Variants in SNAI3 observed in about 807,000 individuals in gnomAD.
SNAI3 encodes zinc finger protein SNAI3.
Under a neutral mutation model 16.4 loss-of-function variants are expected in SNAI3, and 21 were observed. The observed-to-expected ratio is 1.28, with a 90% CI of 0.91 to 1.85. SNAI3 has a LOEUF of 1.85. Ranked by LOEUF, SNAI3 falls within the 40% of genes most tolerant of loss-of-function variation. The pLI is 0.00. For synonymous variants in SNAI3, 202 were observed against 166.6 expected (o/e 1.21, Z -1.64); for missense variants, 457 against 372.8 (o/e 1.23, Z -1.86).
In SNAI3 at chr16:88,681,491, G is replaced by A. The variant is rs531621935; in HGVS notation, c.300C>T (p.Ala100=). Residue 100 remains alanine (A), a synonymous_variant, in exon 2 of 3, where the codon GCC becomes GCT. Coordinates refer to ENST00000332281, the MANE Select transcript of SNAI3 (RefSeq NM_178310.4). This position sits in a 1 kb window ranked among gnomAD's most constrained non-coding sequence, Gnocchi z 5.4. The stretch of plus-strand genomic sequence containing the variant: ...GGCTGTCTTTGAGGGGTACAATGGC[G>A]GCCCGGCTGGCCCGAGGGTCGACCT... ...VSEVDPRASR[A]AIVPLKDSLN... 8.8e-5 allele frequency: 137 copies of A among 1,553,800 alleles called. No individual in the cohort carries two copies. The South Asian group carries it at 9.2e-4, about 10-fold the overall frequency.
rs187396568 is a variant in SNAI3, at chr16:88,679,636, T to C, written c.698-1007A>G. Reference sequence around the variant, plus strand: ...AATCAGCTGGGCGTGGTGGCAGGTGTCTGTAGTCCCGGCTACTCGGGAGGC... The same window carrying C: ...AATCAGCTGGGCGTGGTGGCAGGTGCCTGTAGTCCCGGCTACTCGGGAGGC... On this transcript the variant is annotated intron_variant, in intron 2 of 2. Coordinates refer to ENST00000332281, the MANE Select transcript of SNAI3 (RefSeq NM_178310.4). Among the ~76,000 whole-genome samples, 955 of 151,296 alleles carry C rather than the reference T, an allele frequency of 6.3e-3. 9 individuals carry two copies. Among genetic ancestry groups the C allele is most frequent in the African/African-American group, 0.022 (901 of 41,206 alleles).
intron 1 of SNAI3, chr16:88,685,396 C>G (rs1278594425): frequency 6.6e-6 from 1 of 152,244 alleles, no homozygotes; most frequent in Non-Finnish European, 1.5e-5. Context: ...GGGATAAAGG[C>G]CTCTTGGCGG....
At chr16:88,679,867 C>G (rs1453729470) in intron 2 of SNAI3, among the ~76,000 whole-genome samples, 1 of 151,534 alleles carries the variant, frequency 6.6e-6, no homozygotes, top group Non-Finnish European at 1.5e-5. Context: ...ATGGATTGAG[C>G]CCAGAAGTTC....
In SNAI3 at chr16:88,681,814, C is replaced by T. The variant is rs758432839; in HGVS notation, c.77-100G>A. 1.2e-4 allele frequency: 153 copies of T among 1,259,770 alleles called. No individual in the cohort carries two copies. Among genetic ancestry groups the T allele is most frequent in the Non-Finnish European group, 1.4e-4 (139 of 990,770 alleles). The allele number at this position is 1,259,770 out of a possible 1,614,324, so 78.0% of individuals were successfully genotyped here. A position where few individuals can be genotyped will look rare whatever the true frequency, so the allele number is the denominator to read the frequency against. On this transcript the variant is annotated intron_variant, in intron 1 of 2. Coordinates refer to ENST00000332281, the MANE Select transcript of SNAI3 (RefSeq NM_178310.4). This position sits in a 1 kb window ranked among gnomAD's most constrained non-coding sequence, Gnocchi z 5.4. ...CGTGGACCCAGTCACAGCCCATCAGCAGCCTGGCGTGGGAGGTGTAGCCGG... is the reference window on the plus strand; with the variant it reads ...CGTGGACCCAGTCACAGCCCATCAGTAGCCTGGCGTGGGAGGTGTAGCCGG...
At chr16:88,680,149 C>T (rs937610256) in intron 2 of SNAI3, among the ~76,000 whole-genome samples, 4 of 151,654 alleles carry the variant, frequency 2.6e-5, no homozygotes, top group Admixed American at 6.6e-5. Flanking sequence ...TTATTCCTGG[C>T]GCCCTTTCTT....
At position 88,681,532 on chromosome 16, in the gene SNAI3, C is replaced by T. The variant is rs776343443; in HGVS notation, c.259G>A (p.Ala87Thr). 3.3e-6 allele frequency: 5 copies of T among 1,524,550 alleles called. No homozygotes were observed. Among genetic ancestry groups the T allele is most frequent in the Admixed American group, 2.1e-5 (1 of 48,054 alleles). 94.4% of individuals were successfully genotyped at this position (1,524,550 alleles called of 1,614,324 possible). Reference sequence around the variant, plus strand: ...GGGTCGACCTCGCTGACTTCCAAGGCGTCCAGCCCAGAGGCCCCCAGAGCT... The same window carrying T: ...GGGTCGACCTCGCTGACTTCCAAGGTGTCCAGCCCAGAGGCCCCCAGAGCT... The part of the protein sequence containing the change: ...EEALGASGLD[A>T]LEVSEVDPRA... The change falls in exon 2 of 3, where the codon GCC becomes ACC. Residue 87 changes from alanine to threonine, a missense_variant. By Grantham distance (58) the Ala-to-Thr change is moderately conservative (BLOSUM62 0). Transcript: ENST00000332281. The surrounding 1 kb of genome is among the most constrained non-coding windows in gnomAD (Gnocchi z 5.4).
chr16:88,679,141 A>G, intron 2 of SNAI3: 1 of 976,320 alleles, frequency 1.0e-6, no homozygotes. Flanking sequence ...TAGAGTCCTG[A>G]GAGACCTCAG....
rs1287107653 is a variant in SNAI3, at chr16:88,678,345, G to T, written c.*103C>A. ...ATGTGGAGGACGCACCAAGTGTGAG[G>T]CCAGGCCCCGCCCTCCCAGACTCCT... On this transcript the variant is annotated 3_prime_UTR_variant, in exon 3 of 3. Coordinates refer to ENST00000332281, the MANE Select transcript of SNAI3 (RefSeq NM_178310.4). 1 of 611,688 alleles carries T rather than the reference G, an allele frequency of 1.6e-6. No individual in the cohort carries two copies. Among genetic ancestry groups the T allele is most frequent in the Non-Finnish European group, 2.9e-6 (1 of 340,898 alleles). The allele number at this position is 611,688 out of a possible 1,614,324, so 37.9% of individuals were successfully genotyped here. A position where few individuals can be genotyped will look rare whatever the true frequency, so the allele number is the denominator to read the frequency against.
chr16:88,683,419 C>T (rs1909249238), intron 1 of SNAI3, among the ~76,000 whole-genome samples: 1 of 151,626 alleles, frequency 6.6e-6, no homozygotes. Context: ...CCACGCCTGG[C>T]TTATTTTTGT....
At position 88,678,481 on chromosome 16, in the gene SNAI3, C is replaced by G. The variant is rs1261322451; in HGVS notation, c.846G>C (p.Arg282=). 6 of 778,080 alleles carry G rather than the reference C, an allele frequency of 7.7e-6. No individual in the cohort carries two copies. In the Middle Eastern group the frequency reaches 6.7e-4, roughly 87 times the overall value. 48.2% of individuals were successfully genotyped at this position (778,080 alleles called of 1,614,324 possible). ...CCGGGCAGCAGCCAGACTCCTCATG[C>G]CGCGCCAGGAGGGACATGCGGGAGA... ...KTFSRMSLLA[R]HEESGCCPGP The change falls in exon 3 of 3, where the codon CGG becomes CGC. Residue 282 remains arginine (R), a synonymous_variant. Coordinates refer to ENST00000332281, the MANE Select transcript of SNAI3 (RefSeq NM_178310.4).
At position 88,678,135 on chromosome 16, in the gene SNAI3, G is replaced by C. The variant is rs563088211; in HGVS notation, c.*313C>G. The C allele has an allele frequency of 3.9e-4, 119 of 305,364 alleles. No individual in the cohort carries two copies. The highest frequency in any genetic ancestry group is 2.6e-3 in the Middle Eastern group (3 of 1,136). The allele number at this position is 305,364 out of a possible 1,614,324, so 18.9% of individuals were successfully genotyped here. A position where few individuals can be genotyped will look rare whatever the true frequency, so the allele number is the denominator to read the frequency against. Reference sequence around the variant, plus strand: ...CTGGCGGCCACCTCCCCGAGGCTCTGACTCTTGGAAGGGTAGCCCCGGAGA... The same window carrying C: ...CTGGCGGCCACCTCCCCGAGGCTCTCACTCTTGGAAGGGTAGCCCCGGAGA... On this transcript the variant is annotated 3_prime_UTR_variant, in exon 3 of 3. Coordinates refer to ENST00000332281, the MANE Select transcript of SNAI3 (RefSeq NM_178310.4).
In SNAI3 at chr16:88,681,554, A is replaced by G. The variant is rs934285389; in HGVS notation, c.237T>C (p.Ala79=). ...AGGCGTCCAGCCCAGAGGCCCCCAG[A>G]GCTTCCTCGATCCGTGGCAGGAGGG... The part of the protein sequence containing the change: ...SLPLLPRIEE[A]LGASGLDALE... The change falls in exon 2 of 3, where the codon GCT becomes GCC. Residue 79 remains alanine (A), a synonymous_variant. Transcript: ENST00000332281. This position sits in a 1 kb window ranked among gnomAD's most constrained non-coding sequence, Gnocchi z 5.4. The G allele has an allele frequency of 1.3e-6, 2 of 1,512,322 alleles. No individual in the cohort carries two copies. The highest frequency in any genetic ancestry group is 1.8e-6 in the Non-Finnish European group (2 of 1,129,176). 93.7% of individuals were successfully genotyped at this position (1,512,322 alleles called of 1,614,324 possible). A position where few individuals can be genotyped will look rare whatever the true frequency, so the allele number is the denominator to read the frequency against.
chr16:88,683,080 C>CA (rs1909234027), intron 1 of SNAI3, among the ~76,000 whole-genome samples: 1 of 138,854 alleles, frequency 7.2e-6, no homozygotes, highest in Non-Finnish European at 1.5e-5. Context: ...CCTGGCCCCC[C>CA]ACCCTTTTTT....
intron 1 of SNAI3, chr16:88,685,112 G>A (rs1909312758): frequency 6.6e-6 from 1 of 152,406 alleles, no homozygotes; most frequent in South Asian, 2.1e-4. Context: ...TTTGAAACTT[G>A]CAACTATTAC....
rs1028338131 is a variant in SNAI3 at position 88,681,318 on chromosome 16, T to C, written c.473A>G (p.His158Arg). The C allele has an allele frequency of 2.5e-6, 4 of 1,613,066 alleles. No homozygotes were observed. The African/African-American group carries it at 5.3e-5, about 22-fold the overall frequency. Reference protein sequence around the residue: ...APGGFECFHCHKPYHTLAGLA... With the variant: ...APGGFECFHCRKPYHTLAGLA... ...CCCGGCCAGCGTGTGGTAGGGTTTGTGGCAGTGGAAGCACTCAAAGCCGCC... is the reference window on the plus strand; with the variant it reads ...CCCGGCCAGCGTGTGGTAGGGTTTGCGGCAGTGGAAGCACTCAAAGCCGCC... Residue 158 changes from histidine (H) to arginine (R), a missense_variant, in exon 2 of 3, where the codon CAC (histidine) becomes CGC (arginine). Transcript: ENST00000332281. The surrounding 1 kb of genome is among the most constrained non-coding windows in gnomAD (Gnocchi z 5.4).
At position 88,681,843 on chromosome 16, in the gene SNAI3, C is replaced by G; in HGVS notation, c.77-129G>C. On this transcript the variant is annotated intron_variant, in intron 1 of 2. Transcript: ENST00000332281. The surrounding 1 kb of genome is among the most constrained non-coding windows in gnomAD (Gnocchi z 5.4). ...CTGGCGTGGGAGGTGTAGCCGGGAA[C>G]CTGCATGCAGACCCAGCTTGCAAGG... The G allele has an allele frequency of 9.1e-7, 1 of 1,093,772 alleles. No individual in the cohort carries two copies. Among genetic ancestry groups the G allele is most frequent in the African/African-American group, 1.6e-5 (1 of 61,838 alleles). 67.8% of individuals were successfully genotyped at this position (1,093,772 alleles called of 1,614,324 possible).
rs770916118 is a variant in SNAI3, at chr16:88,678,182, C to T, written c.*266G>A. ...GAGACCTGGCCGTGTCGAAATGGAA[C>T]CATGGCTCTTGTTCTGATGAAAGCC... On this transcript the variant is annotated 3_prime_UTR_variant, in exon 3 of 3. Coordinates refer to ENST00000332281, the MANE Select transcript of SNAI3 (RefSeq NM_178310.4). The T allele has an allele frequency of 9.0e-4, 362 of 401,510 alleles. 1 individual carries two copies. The highest frequency in any genetic ancestry group is 6.2e-4 in the Non-Finnish European group (139 of 223,028). The allele number at this position is 401,510 out of a possible 1,614,324, so 24.9% of individuals were successfully genotyped here. A position where few individuals can be genotyped will look rare whatever the true frequency, so the allele number is the denominator to read the frequency against.
At position 88,686,365 on chromosome 16, in the gene SNAI3, C is replaced by T. The variant is rs771818007; in HGVS notation, c.42G>A (p.Arg14=). 6.2e-7 allele frequency: 1 copy of T among 1,612,366 alleles called. No homozygotes were observed. Among genetic ancestry groups the T allele is most frequent in the African/African-American group, 1.3e-5 (1 of 74,924 alleles). The part of the protein sequence containing the change: ...SFLVKTHSSH[R]VPNYRRLETQ... ...TCTCCAGCCGCCGGTAGTTGGGGAC[C>T]CTGTGGCTGGAGTGCGTTTTCACCA... Residue 14 remains arginine (R), a synonymous_variant, in exon 1 of 3, where the codon AGG becomes AGA. Coordinates refer to ENST00000332281, the MANE Select transcript of SNAI3 (RefSeq NM_178310.4).
In SNAI3 at chr16:88,686,480, G is replaced by T; in HGVS notation, c.-74C>A. 1.3e-6 allele frequency: 2 copies of T among 1,567,158 alleles called. No individual in the cohort carries two copies. Among genetic ancestry groups the T allele is most frequent in the South Asian group, 2.3e-5 (2 of 87,830 alleles). On this transcript the variant is annotated 5_prime_UTR_variant, in exon 1 of 3. Transcript: ENST00000332281. Reference sequence around the variant, plus strand: ...CGCCTGGGTCCGGACTGCTGCGTCCGCCGGCGCTTGAAGGGGTCAGGCTCA... The same window carrying T: ...CGCCTGGGTCCGGACTGCTGCGTCCTCCGGCGCTTGAAGGGGTCAGGCTCA...
Sources: gnomAD v4.1 joint callset for allele counts (sites outside exome capture counted in the v4.1 genomes callset) on GRCh38, gnomAD v4.1.1 for gene constraint, Gnocchi (gnomAD v3.1) non-coding constraint, MANE v1.5 for transcripts, NCBI Gene and HGNC (gene_info 2026-07-23, HGNC 2026-07-21) for gene names.